Variants in BIRC6 observed in about 807,000 individuals in gnomAD.
BIRC6 encodes baculoviral IAP repeat containing 6, also known as dual E2 ubiquitin-conjugating enzyme/E3 ubiquitin-protein ligase BIRC6.
BIRC6 carries 98 observed loss-of-function variants against 503.3 expected under a neutral mutation model. The observed-to-expected ratio is 0.19, with a 90% CI of 0.17 to 0.23. BIRC6 has a LOEUF of 0.23. BIRC6 is among the 10% of genes least tolerant of loss of function. The probability of loss-of-function intolerance (pLI) is 1.00; values close to 1 mark genes in which losing one functional copy is unlikely to be tolerated. For missense variants in BIRC6, 5,360 were observed against 5,806.0 expected (o/e 0.92, Z 2.50); for synonymous variants, 2,240 against 2,078.7 (o/e 1.08, Z -2.11).
At position 32,467,622 on chromosome 2, in the gene BIRC6, C is replaced by T. The variant is rs145696137; in HGVS notation, c.5454C>T (p.Asp1818=). 3.8e-4 allele frequency: 611 copies of T among 1,613,854 alleles called. 2 individuals are homozygous for T. The African/African-American group carries it at 6.2e-3, about 16-fold the overall frequency. The change falls in exon 27 of 74, where the codon GAC becomes GAT. Residue 1818 remains aspartate, a synonymous_variant. Transcript: ENST00000421745. ...TCGDLASLSI[D]IWTLGEEVDG... ...GAGACTTGGCCTCTTTGTCAATTGACATTTGGACATTAGGAGAAGAGGTGG... is the reference window on the plus strand; with the variant it reads ...GAGACTTGGCCTCTTTGTCAATTGATATTTGGACATTAGGAGAAGAGGTGG...
At chr2:32,362,386 G>A (rs2034248417) in intron 1 of BIRC6, among the ~76,000 whole-genome samples, 1 of 150,764 alleles carries the variant, frequency 6.6e-6, no homozygotes, top group South Asian at 2.1e-4. Context: ...TGTGATCTCG[G>A]CTCACTGCAA....
At position 32,575,219 on chromosome 2, in the gene BIRC6, C is replaced by T. The variant is rs761741649; in HGVS notation, c.13208C>T (p.Ala4403Val). Residue 4403 changes from alanine (A) to valine (V), a missense_variant, in exon 66 of 74, where the codon GCT becomes GTT. Transcript: ENST00000421745. Reference protein sequence around the residue: ...RALLELLRAIASCAAMVPLLL... With the variant: ...RALLELLRAIVSCAAMVPLLL... ...CTGCTGGAATTGCTTCGGGCCATTG[C>T]TTCTTGTGCTGCCATGGTGCCCCTA... 1.2e-6 allele frequency: 2 copies of T among 1,613,900 alleles called. No individual in the cohort carries two copies. The highest frequency in any genetic ancestry group is 1.1e-5 in the South Asian group (1 of 91,094).
chr2:32,586,316 A>G (rs552581129), intron 66 of BIRC6, among the ~76,000 whole-genome samples: 3 of 151,630 alleles, frequency 2.0e-5, no homozygotes, highest in South Asian at 4.2e-4. Flanking sequence ...GAAGCATAAC[A>G]TATTAGTATA....
chr2:32,508,567 T>G (rs571688832), intron 51 of BIRC6, among the ~76,000 whole-genome samples: 1 of 152,136 alleles, frequency 6.6e-6, no homozygotes, highest in Non-Finnish European at 1.5e-5. Flanking sequence ...TTTCGGGAAT[T>G]TGCAAATGCC....
chr2:32,428,428 C>A (rs2043760978), intron 10 of BIRC6, among the ~76,000 whole-genome samples: 1 of 152,184 alleles, frequency 6.6e-6, no homozygotes, highest in Non-Finnish European at 1.5e-5. Flanking sequence ...ACTGGACGCT[C>A]TCCATCAATC....
chr2:32,478,546 C>A, intron 35 of BIRC6, 89 bp from the exon 36 acceptor site: 1 of 1,139,296 alleles, frequency 8.8e-7, no homozygotes, highest in Admixed American at 3.1e-5. Context: ...ACCTATTGTT[C>A]AGTGCTAAAG....
intron 63 of BIRC6, among the ~76,000 whole-genome samples, chr2:32,546,576 G>T (rs2058065638): frequency 6.6e-6 from 1 of 150,876 alleles, no homozygotes; most frequent in African/African-American, 2.4e-5. Context: ...GTGAAACTGT[G>T]TCTCAAAAAG....
chr2:32,431,910 A>T (rs1337140422), intron 12 of BIRC6, among the ~76,000 whole-genome samples: 1 of 152,252 alleles, frequency 6.6e-6, no homozygotes, highest in African/African-American at 2.4e-5. Flanking sequence ...TAGTAGTTGG[A>T]TAGGAAATTG....
chr2:32,475,963 TTA>T (rs1257854609), intron 33 of BIRC6, among the ~76,000 whole-genome samples: 24 of 152,236 alleles, frequency 1.6e-4, no homozygotes, highest in African/African-American at 5.5e-4. Context: ...TGTTAGTGGC[TTA>T]TATAAGAAAG....
chr2:32,465,041 A>ATTTT (rs749253756), intron 25 of BIRC6, 24 bp from the exon 26 acceptor site: 25 of 1,102,990 alleles, frequency 2.3e-5, no homozygotes, highest in African/African-American at 4.9e-5. Context: ...ATAAAGTTAG[A>ATTTT]TTTTTTTTTT....
At chr2:32,485,385 C>A (rs930378975) in intron 39 of BIRC6, among the ~76,000 whole-genome samples, 2 of 152,150 alleles carry the variant, frequency 1.3e-5, no homozygotes, top group African/African-American at 4.8e-5. Flanking sequence ...TCTCATTATC[C>A]TTAATGTCTT....
chr2:32,609,603 T>C (rs2062714892), intron 72 of BIRC6, among the ~76,000 whole-genome samples: 1 of 152,156 alleles, frequency 6.6e-6, no homozygotes, highest in Admixed American at 6.5e-5. Context: ...CAGATAGCAC[T>C]GATGAATATT....
chr2:32,408,061 G>T (rs1244834208), intron 9 of BIRC6, among the ~76,000 whole-genome samples: 1 of 151,784 alleles, frequency 6.6e-6, no homozygotes, highest in Non-Finnish European at 1.5e-5. Context: ...TCCGCCTCCC[G>T]AGTTCAAGGG....
intron 61 of BIRC6, among the ~76,000 whole-genome samples, chr2:32,534,925 T>A (rs537469164): frequency 4.6e-5 from 7 of 151,206 alleles, no homozygotes; most frequent in Non-Finnish European, 7.4e-5. Context: ...CCCAAATAGA[T>A]GTAAAACTTA....
chr2:32,465,932 T>A (rs1453047032), intron 26 of BIRC6, among the ~76,000 whole-genome samples: 1 of 152,204 alleles, frequency 6.6e-6, no homozygotes, highest in Non-Finnish European at 1.5e-5. Context: ...TAATCATTCA[T>A]TGGTAACAAC....
intron 5 of BIRC6, among the ~76,000 whole-genome samples, chr2:32,393,946 CTATATATA>C (rs10580859): frequency 0.031 from 4,463 of 145,606 alleles, 124 homozygotes; most frequent in African/African-American, 0.082. Flanking sequence ...AACCAGAAAA[CTATATATA>C]TATATATATA....
chr2:32,395,503 T>G lies in BIRC6; in HGVS notation c.952-8T>G. 6.3e-7 allele frequency: 1 copy of G among 1,595,974 alleles called. No individual in the cohort carries two copies. The highest frequency in any genetic ancestry group is 8.6e-7 in the Non-Finnish European group (1 of 1,166,302). ...CCTTTTCTGTCTCTTTTCTTTATAA[T>G]TTTGCAGCCTGCCTCATCTGGAGAT... On this transcript the variant is annotated splice_polypyrimidine_tract_variant and splice_region_variant and intron_variant, in intron 5 of 73. Coordinates refer to ENST00000421745, the MANE Select transcript of BIRC6 (RefSeq NM_016252.4).
intron 23 of BIRC6, among the ~76,000 whole-genome samples, chr2:32,455,903 C>G (rs1046830776): frequency 1.3e-5 from 2 of 152,116 alleles, no homozygotes; most frequent in African/African-American, 4.8e-5. Flanking sequence ...AGGCAAAGTG[C>G]TGACTAGTGA....
chr2:32,406,530 G>A lies in BIRC6; in HGVS notation c.1450G>A (p.Glu484Lys). ...TTTACTGGAGGATTCAGACAGTGAA[G>A]AGCATTCCAGATCAGATTCTGTGAC... ...DDLLEDSDSE[E>K]HSRSDSVTGH... The change falls in exon 9 of 74, where the codon GAG becomes AAG. Residue 484 changes from glutamate (E) to lysine (K), a missense_variant. Glu to Lys is a moderately conservative substitution (Grantham distance 56). Transcript: ENST00000421745. The A allele has an allele frequency of 6.2e-7, 1 of 1,610,286 alleles. No homozygotes were observed. Among genetic ancestry groups the A allele is most frequent in the Non-Finnish European group, 8.5e-7 (1 of 1,177,636 alleles).
Sources: allele counts gnomAD v4.1 joint callset (sites outside exome capture counted in the v4.1 genomes callset), GRCh38; gene constraint gnomAD v4.1.1; transcripts MANE v1.5; gene names NCBI Gene and HGNC (gene_info 2026-07-23, HGNC 2026-07-21).